The following RBFOX1 variants were observed in gnomAD, a reference collection of about 807,000 sequenced individuals.
RBFOX1 encodes RNA binding fox-1 homolog 1.
In RBFOX1, 8 loss-of-function variants were observed where a neutral mutation model predicts 57.7. The ratio of observed to expected loss-of-function variants is 0.14; its 90% confidence interval spans 0.08 to 0.25. The LOEUF (loss-of-function observed/expected upper bound fraction) is 0.25. RBFOX1 is among the 10% of genes least tolerant of loss of function. The pLI is 1.00. For missense variants in RBFOX1, 611 were observed against 548.5 expected (o/e 1.11, Z -1.14); for synonymous variants, 326 against 222.4 (o/e 1.47, Z -4.15).
At chr16:7,171,697 C>T (rs547897266) in intron 4 of RBFOX1, among the ~76,000 whole-genome samples, 1 of 152,304 alleles carries the variant, frequency 6.6e-6, no homozygotes, top group Admixed American at 6.5e-5. Flanking sequence ...ATAGGGTAAG[C>T]AATGAGCTTG....
At chr16:6,121,065 A>G (rs1050647598) in intron 1 of RBFOX1, among the ~76,000 whole-genome samples, 5 of 152,222 alleles carry the variant, frequency 3.3e-5, no homozygotes, top group Non-Finnish European at 7.3e-5. Flanking sequence ...TCCTAATATT[A>G]CAATCAACCA....
chr16:6,517,339 T>G (rs376086413), intron 2 of RBFOX1, among the ~76,000 whole-genome samples: 7 of 152,332 alleles, frequency 4.6e-5, no homozygotes, highest in African/African-American at 1.7e-4. Flanking sequence ...TGCATCCTGA[T>G]CCGAATACAT....
chr16:7,533,998 A>C (rs1226866165), intron 5 of RBFOX1, among the ~76,000 whole-genome samples: 1 of 152,066 alleles, frequency 6.6e-6, no homozygotes, highest in Non-Finnish European at 1.5e-5. Flanking sequence ...CGGTTGTGTA[A>C]ATTGTTCCAA....
At position 6,075,282 on chromosome 16, in the gene RBFOX1, C is replaced by T. The variant is rs187457928; in HGVS notation, c.-127+55290C>T. 1.6e-4 allele frequency among the ~76,000 whole-genome samples: 24 copies of T among 152,328 alleles called. 1 individual carries two copies. Among genetic ancestry groups the T allele is most frequent in the African/African-American group, 4.8e-4 (20 of 41,572 alleles). ...TGAGCTTTGAGAAATAAGATCACCA[C>T]ATTTTCATCTACTTTTCCAGGGAGG... On this transcript the variant is annotated intron_variant, in intron 1 of 15. Coordinates refer to ENST00000550418, the MANE Select transcript of RBFOX1 (RefSeq NM_018723.4).
chr16:7,177,237 C>A (rs1053881501), intron 4 of RBFOX1, among the ~76,000 whole-genome samples: 1 of 152,132 alleles, frequency 6.6e-6, no homozygotes, highest in Non-Finnish European at 1.5e-5. Flanking sequence ...AATTTGTGCT[C>A]CTTATCTAGC....
intron 3 of RBFOX1, among the ~76,000 whole-genome samples, chr16:6,708,834 A>T (rs1603449375): frequency 6.6e-6 from 1 of 152,136 alleles, no homozygotes; most frequent in Admixed American, 6.5e-5. Context: ...TTGAGAAATG[A>T]TGAGTAAGAA....
chr16:6,621,146 C>T (rs2098224013), intron 2 of RBFOX1, among the ~76,000 whole-genome samples: 1 of 152,170 alleles, frequency 6.6e-6, no homozygotes, highest in Non-Finnish European at 1.5e-5. Flanking sequence ...TATTTTAAAT[C>T]TCCCTCTCCT....
Position 5,771,906 on chromosome 16 carries a change from G to C in RBFOX1, c.319-95397G>C, listed in dbSNP as rs183757621. On this transcript the variant is annotated intron_variant, in intron 3 of 19. Transcript: ENST00000641259. ...AGGCTAGTTTGGGCTGGGCACAGTG[G>C]CTCACGCCTGTAATCCCAGCACTTT... 3.0e-3 allele frequency among the ~76,000 whole-genome samples: 457 copies of C among 152,330 alleles called. 6 individuals are homozygous for C. Among genetic ancestry groups the C allele is most frequent in the Admixed American group, 0.027 (415 of 15,300 alleles).
chr16:7,121,999 T>C (rs528657923), intron 4 of RBFOX1, among the ~76,000 whole-genome samples: 1 of 152,102 alleles, frequency 6.6e-6, no homozygotes, highest in Admixed American at 6.6e-5. Flanking sequence ...TACAAAAAAA[T>C]TAACTCAAAA....
At chr16:5,743,414 G>A (rs11076958) in intron 3 of RBFOX1, among the ~76,000 whole-genome samples, 37,461 of 151,992 alleles carry the variant, frequency 0.25, 5,430 homozygotes, top group East Asian at 0.56. Context: ...AGCATGTCCC[G>A]TGGAAGGAGG....
intron 5 of RBFOX1, among the ~76,000 whole-genome samples, chr16:7,564,222 C>T (rs9937723): frequency 0.86 from 130,742 of 151,826 alleles, 57,759 homozygotes; most frequent in Non-Finnish European, 0.97. Flanking sequence ...AGCTTCCCTC[C>T]CTCTTCCATC....
intron 11 of RBFOX1, among the ~76,000 whole-genome samples, chr16:7,637,649 AG>A (rs1218547545): frequency 2.6e-5 from 4 of 152,210 alleles, no homozygotes; most frequent in African/African-American, 9.7e-5. Flanking sequence ...GGACACATAC[AG>A]GTCATTTTGT....
chr16:6,893,245 C>T (rs1411773303), intron 3 of RBFOX1, among the ~76,000 whole-genome samples: 2 of 152,138 alleles, frequency 1.3e-5, no homozygotes, highest in African/African-American at 4.8e-5. Context: ...AACACAGCTT[C>T]TCCCAGAAGA....
chr16:6,267,554 C>G (rs2074676381), intron 1 of RBFOX1, among the ~76,000 whole-genome samples: 1 of 152,152 alleles, frequency 6.6e-6, no homozygotes, highest in African/African-American at 2.4e-5. Context: ...AGCAGAGAAG[C>G]TAGAGTCTTA....
At chr16:6,355,054 G>A (rs2087044409) in intron 2 of RBFOX1, among the ~76,000 whole-genome samples, 4 of 152,146 alleles carry the variant, frequency 2.6e-5, no homozygotes. Context: ...AACACACTTA[G>A]CATCCTCATC....
chr16:5,842,223 G>A (rs900417605), intron 3 of RBFOX1, among the ~76,000 whole-genome samples: 10 of 152,252 alleles, frequency 6.6e-5, no homozygotes, highest in South Asian at 2.1e-4. Flanking sequence ...TCTCAGCACC[G>A]AGAGAATGGC....
chr16:6,754,951 G>C (rs918990944), intron 3 of RBFOX1, among the ~76,000 whole-genome samples: 1 of 151,904 alleles, frequency 6.6e-6, no homozygotes, highest in Admixed American at 6.6e-5. Flanking sequence ...GAGAATATGC[G>C]GTGTTTGGTT....
chr16:6,985,068 A>T (rs569592585), intron 3 of RBFOX1, among the ~76,000 whole-genome samples: 2 of 136,078 alleles, frequency 1.5e-5, no homozygotes, highest in African/African-American at 5.4e-5. Flanking sequence ...TCTGGATTTC[A>T]TTTCTCAAGA....
At chr16:5,520,245 C>T (rs1337312443) in intron 2 of RBFOX1, among the ~76,000 whole-genome samples, 1 of 152,064 alleles carries the variant, frequency 6.6e-6, no homozygotes, top group African/African-American at 2.4e-5. Flanking sequence ...ATCTTGTAGG[C>T]TGAAGTAAAG....
Sources: gnomAD v4.1 joint callset for allele counts (sites outside exome capture counted in the v4.1 genomes callset) on GRCh38, gnomAD v4.1.1 for gene constraint, MANE v1.5 for transcripts, NCBI Gene and HGNC (gene_info 2026-07-23, HGNC 2026-07-21) for gene names.